Variants in HMGCLL1 observed in about 807,000 individuals in gnomAD.
HMGCLL1 encodes the protein 3-hydroxymethyl-3-methylglutaryl-CoA lyase, cytoplasmic.
A neutral mutation model predicts 39.1 loss-of-function variants in HMGCLL1; 36 were observed. That is an observed-to-expected ratio of 0.92 (90% confidence interval 0.71 to 1.22). The LOEUF is 1.22. Ranked by LOEUF, HMGCLL1 falls within the 50% of genes most tolerant of loss-of-function variation. The pLI, the probability that HMGCLL1 is intolerant of heterozygous loss-of-function variation, is 0.00. For missense variants in HMGCLL1, 451 were observed against 416.5 expected (o/e 1.08, Z -0.72); for synonymous variants, 149 against 144.0 (o/e 1.03, Z -0.25).
the HMGCLL1 span, among the ~76,000 whole-genome samples, chr6:55,662,544 G>A: frequency 1.3e-5 from 2 of 151,930 alleles, no homozygotes; most frequent in African/African-American, 4.8e-5. Context: ...ATTTGATCAT[G>A]GTGGAGTAGC....
intron 1 of HMGCLL1, among the ~76,000 whole-genome samples, chr6:55,542,545 T>C (rs1012523048): frequency 1.3e-5 from 2 of 151,770 alleles, no homozygotes; most frequent in African/African-American, 4.8e-5. Context: ...ATTGGGAGGC[T>C]GAGGTGGGAG....
At chr6:55,643,346 T>G in the HMGCLL1 span, among the ~76,000 whole-genome samples, 1 of 152,076 alleles carries the variant, frequency 6.6e-6, no homozygotes, top group Non-Finnish European at 1.5e-5. Flanking sequence ...CTGGTATAGA[T>G]AGTATCTCAT....
the HMGCLL1 span, among the ~76,000 whole-genome samples, chr6:55,636,434 G>C: frequency 6.6e-6 from 1 of 152,282 alleles, no homozygotes; most frequent in East Asian, 1.9e-4. Flanking sequence ...GGCTATACCA[G>C]TGGCAACTCA....
the HMGCLL1 span, among the ~76,000 whole-genome samples, chr6:55,611,257 A>G: frequency 6.6e-6 from 1 of 152,196 alleles, no homozygotes. Flanking sequence ...ATGCAGTTAG[A>G]ACAGTGTTAA....
At chr6:55,514,664 C>T (rs1016833316) in intron 4 of HMGCLL1, among the ~76,000 whole-genome samples, 2 of 151,962 alleles carry the variant, frequency 1.3e-5, no homozygotes, top group Non-Finnish European at 2.9e-5. Context: ...AGATTTTGCC[C>T]CCAGTTTTTC....
the HMGCLL1 span, among the ~76,000 whole-genome samples, chr6:55,625,273 C>G: frequency 5.3e-5 from 8 of 152,116 alleles, no homozygotes; most frequent in African/African-American, 1.9e-4. Context: ...TCAGAACCAT[C>G]TAGCCATGAA....
chr6:55,556,900 T>C (rs182804426), intron 1 of HMGCLL1, among the ~76,000 whole-genome samples: 1 of 152,116 alleles, frequency 6.6e-6, no homozygotes, highest in Non-Finnish European at 1.5e-5. Flanking sequence ...TCCTGGAAGT[T>C]TGATGTAAAA....
At chr6:55,619,865 C>G in the HMGCLL1 span, among the ~76,000 whole-genome samples, 4 of 152,222 alleles carry the variant, frequency 2.6e-5, no homozygotes, top group East Asian at 7.7e-4. Flanking sequence ...CCATCCCAGC[C>G]TCCATTCTAC....
rs112983532 is a variant in HMGCLL1 at position 55,548,146 on chromosome 6, A to G, written c.109-6006T>C. Among the ~76,000 whole-genome samples, 833 of 152,186 alleles carry G rather than the reference A, an allele frequency of 5.5e-3. 8 individuals carry two copies. The highest frequency in any genetic ancestry group is 0.019 in the African/African-American group (778 of 41,578). ...TAAACAATATGTCTTAACTTACTAC[A>G]TCAAAAAGTAAAGGAAGGTATCTGC... is the stretch of plus-strand genomic sequence containing the variant. On this transcript the variant is annotated intron_variant, in intron 1 of 8. Coordinates refer to ENST00000274901, the MANE Select transcript of HMGCLL1 (RefSeq NM_001042406.2).
intron 3 of HMGCLL1, among the ~76,000 whole-genome samples, chr6:55,528,521 T>C (rs963166276): frequency 1.1e-4 from 17 of 152,116 alleles, no homozygotes; most frequent in African/African-American, 3.6e-4. Flanking sequence ...ACAAACCCCA[T>C]ATATCTTAGC....
At chr6:55,479,045 T>C (rs187630077) in intron 7 of HMGCLL1, among the ~76,000 whole-genome samples, 5 of 151,632 alleles carry the variant, frequency 3.3e-5, no homozygotes, top group Non-Finnish European at 5.9e-5. Flanking sequence ...ATGCACAGCT[T>C]TAAGTAGTTT....
chr6:55,448,309 ATAT>A (rs1182630352), intron 7 of HMGCLL1, among the ~76,000 whole-genome samples: 4 of 149,730 alleles, frequency 2.7e-5, no homozygotes, highest in Non-Finnish European at 4.4e-5. Flanking sequence ...GTATAATACA[ATAT>A]TATATATACA....
chr6:55,554,470 G>A (rs1040563379), intron 1 of HMGCLL1, among the ~76,000 whole-genome samples: 3 of 152,012 alleles, frequency 2.0e-5, no homozygotes, highest in African/African-American at 7.2e-5. Context: ...GAGACTTCAC[G>A]ATTCCTTTAA....
At chr6:55,619,797 C>G in the HMGCLL1 span, among the ~76,000 whole-genome samples, 3 of 152,152 alleles carry the variant, frequency 2.0e-5, no homozygotes, top group East Asian at 5.8e-4. Flanking sequence ...CTTACTCATT[C>G]TATTTAACTA....
the HMGCLL1 span, among the ~76,000 whole-genome samples, chr6:55,621,309 T>C: frequency 1.2e-3 from 180 of 152,230 alleles, no homozygotes; most frequent in Non-Finnish European, 2.1e-3. Context: ...ATGACTGTTT[T>C]ATAGTAGGGG....
chr6:55,453,443 G>A (rs576794326), intron 7 of HMGCLL1, among the ~76,000 whole-genome samples: 3 of 152,248 alleles, frequency 2.0e-5, no homozygotes, highest in South Asian at 4.1e-4. Context: ...GATTACAGGC[G>A]TGAGCCACCG....
At chr6:55,569,149 T>C (rs1230450357) in intron 1 of HMGCLL1, among the ~76,000 whole-genome samples, 1 of 152,208 alleles carries the variant, frequency 6.6e-6, no homozygotes, top group Admixed American at 6.5e-5. Context: ...TTGTTTTTCC[T>C]TTTGTATCCA....
the HMGCLL1 span, among the ~76,000 whole-genome samples, chr6:55,627,225 C>T: frequency 6.6e-5 from 10 of 151,916 alleles, no homozygotes; most frequent in African/African-American, 2.2e-4. Context: ...TTGTTGAAAA[C>T]ATTTTTGTGC....
chr6:55,472,915 G>C (rs1378403539), intron 7 of HMGCLL1, among the ~76,000 whole-genome samples: 1 of 151,270 alleles, frequency 6.6e-6, no homozygotes, highest in Middle Eastern at 3.2e-3. Flanking sequence ...CATGAATTTT[G>C]ATGCTGTGTT....
Sources: gnomAD v4.1 joint callset for allele counts (sites outside exome capture counted in the v4.1 genomes callset) on GRCh38, gnomAD v4.1.1 for gene constraint, MANE v1.5 for transcripts, NCBI Gene and HGNC (gene_info 2026-07-23, HGNC 2026-07-21) for gene names.